The following NRG4 variants were observed in gnomAD, a reference collection of about 807,000 sequenced individuals.
NRG4 encodes the protein pro-neuregulin-4, membrane-bound isoform.
Under a neutral mutation model 15.0 loss-of-function variants are expected in NRG4, and 10 were observed. The ratio of observed to expected loss-of-function variants is 0.67; its 90% confidence interval spans 0.41 to 1.13. The LOEUF is 1.13. NRG4 is among the 50% of genes most tolerant of loss of function. The pLI is 0.00. For synonymous variants in NRG4, 41 were observed against 50.1 expected (o/e 0.82, Z 0.77); for missense variants, 139 against 140.2 (o/e 0.99, Z 0.04).
intron 1 of NRG4, among the ~76,000 whole-genome samples, chr15:76,057,708 T>C (rs192474084): frequency 1.3e-5 from 2 of 152,204 alleles, no homozygotes; most frequent in Admixed American, 1.3e-4. Context: ...GCACCTACAA[T>C]TTCCATTAAC....
intron 3 of NRG4, among the ~76,000 whole-genome samples, chr15:76,004,377 C>T (rs536467233): frequency 1.3e-5 from 2 of 152,018 alleles, no homozygotes; most frequent in Admixed American, 6.5e-5. Context: ...GAGGCAGGCA[C>T]ATCACCTGAG....
At chr15:75,968,602 A>AAAAAGTCT (rs2032941047) in intron 3 of NRG4, among the ~76,000 whole-genome samples, 1 of 151,318 alleles carries the variant, frequency 6.6e-6, no homozygotes, top group Non-Finnish European at 1.5e-5. Flanking sequence ...AAAAAAAAAA[A>AAAAAGTCT]AAAAGTCTAG....
chr15:75,947,366 C>T (rs1005287064), intron 5 of NRG4, among the ~76,000 whole-genome samples: 1 of 152,126 alleles, frequency 6.6e-6, no homozygotes, highest in African/African-American at 2.4e-5. Flanking sequence ...TCTAAGACTC[C>T]CAGAAAGGGA....
intron 3 of NRG4, among the ~76,000 whole-genome samples, chr15:75,993,572 A>G (rs903912487): frequency 1.3e-5 from 2 of 151,888 alleles, no homozygotes; most frequent in Non-Finnish European, 2.9e-5. Context: ...GCATGCCTAT[A>G]GTCCCAGCTA....
At chr15:75,976,310 T>C (rs1428238083) in intron 3 of NRG4, among the ~76,000 whole-genome samples, 2 of 152,182 alleles carry the variant, frequency 1.3e-5, no homozygotes, top group East Asian at 3.9e-4. Flanking sequence ...GAGTTTGTTA[T>C]TACCCACCTT....
chr15:75,979,893 G>A (rs1323618421), intron 3 of NRG4, among the ~76,000 whole-genome samples: 1 of 152,084 alleles, frequency 6.6e-6, no homozygotes, highest in Non-Finnish European at 1.5e-5. Flanking sequence ...AAATTGTACT[G>A]CAAATGGTAA....
At chr15:76,003,109 A>G (rs1340105316) in intron 3 of NRG4, among the ~76,000 whole-genome samples, 2 of 152,226 alleles carry the variant, frequency 1.3e-5, no homozygotes, top group Non-Finnish European at 2.9e-5. Context: ...AAAATTGTAA[A>G]GAGTATATTC....
chr15:75,939,472 T>C (rs1204805991), downstream of NRG4: 1 of 152,202 alleles, frequency 6.6e-6, no homozygotes, highest in African/African-American at 2.4e-5. Context: ...TTTTCATTTG[T>C]GAATTCTACC....
At chr15:75,967,097 A>G (rs1350740561) in intron 3 of NRG4, among the ~76,000 whole-genome samples, 2 of 144,542 alleles carry the variant, frequency 1.4e-5, no homozygotes, top group African/African-American at 5.3e-5. Flanking sequence ...CTGGCAACAG[A>G]GCAAGACTCC....
At chr15:76,049,987 G>C (rs573912167) in intron 4 of NRG4, among the ~76,000 whole-genome samples, 6 of 150,984 alleles carry the variant, frequency 4.0e-5, no homozygotes, top group Non-Finnish European at 7.4e-5. Flanking sequence ...ATGGTCACAC[G>C]GCCAAGAATG....
intron 4 of NRG4, 78 bp downstream of exon 4, chr15:75,961,750 T>C: frequency 2.0e-6 from 2 of 1,002,516 alleles, no homozygotes; most frequent in South Asian, 3.0e-5. Flanking sequence ...TATCTAGAAC[T>C]AAGGGCATAT....
intron 3 of NRG4, among the ~76,000 whole-genome samples, chr15:76,005,335 T>C (rs979277027): frequency 2.1e-5 from 3 of 142,676 alleles, no homozygotes; most frequent in Non-Finnish European, 4.5e-5. Context: ...TGAACTATGA[T>C]CAAGCCACTG....
At chr15:75,954,734 TTAA>T (rs1437908423) in intron 5 of NRG4, among the ~76,000 whole-genome samples, 1 of 152,110 alleles carries the variant, frequency 6.6e-6, no homozygotes, top group African/African-American at 2.4e-5. Context: ...TTTCAGTTTC[TTAA>T]TATTTCTCAT....
At chr15:76,013,186 A>C (rs867813102), upstream of NRG4, among the ~76,000 whole-genome samples, 6 of 152,214 alleles carry the variant, frequency 3.9e-5, no homozygotes, top group Non-Finnish European at 1.5e-5. Context: ...TTAAGAAAAT[A>C]TTAAAATAAA....
chr15:75,939,355 C>G (rs2030703091), downstream of NRG4: 2 of 151,966 alleles, frequency 1.3e-5, no homozygotes, highest in African/African-American at 4.8e-5. Flanking sequence ...AAACGTACTA[C>G]TGCTGAACTA....
At chr15:76,055,787 C>A (rs1596070241) in intron 2 of NRG4, among the ~76,000 whole-genome samples, 1 of 152,134 alleles carries the variant, frequency 6.6e-6, no homozygotes, top group African/African-American at 2.4e-5. Flanking sequence ...ATTATTGACA[C>A]AGTTTAGAAT....
chr15:76,006,538 G>A (rs2034614113), intron 3 of NRG4, among the ~76,000 whole-genome samples: 1 of 151,950 alleles, frequency 6.6e-6, no homozygotes, highest in Admixed American at 6.6e-5. Context: ...CTTCCTTCCA[G>A]GGTGTTTAGC....
At chr15:76,027,293 T>G (rs1027807787) in intron 5 of NRG4, among the ~76,000 whole-genome samples, 4 of 151,706 alleles carry the variant, frequency 2.6e-5, no homozygotes, top group African/African-American at 9.7e-5. Context: ...ACAAAACAGA[T>G]TTCAAGTCAA....
chr15:76,012,407 A>G lies in NRG4; in HGVS notation c.-145T>C, dbSNP rs2034843589. The stretch of plus-strand genomic sequence containing the variant: ...CAACAGCAGCTGTGACTTGCATTTT[A>G]TAACATGTCAAAAATCTGATTTATA... On this transcript the variant is annotated 5_prime_UTR_variant, in exon 1 of 6. The change abolishes the stop of an existing upstream ORF in the 5' untranslated region. Transcript: ENST00000394907. 6.6e-6 allele frequency: 1 copy of G among 152,208 alleles called. No homozygotes were observed. The highest frequency in any genetic ancestry group is 1.5e-5 in the Non-Finnish European group (1 of 68,036). 9.4% of individuals were successfully genotyped at this position (152,208 alleles called of 1,614,324 possible).
Sources: allele counts gnomAD v4.1 joint callset (sites outside exome capture counted in the v4.1 genomes callset), GRCh38; gene constraint gnomAD v4.1.1; transcripts MANE v1.5; gene names NCBI Gene and HGNC (gene_info 2026-07-23, HGNC 2026-07-21).